VPS13B: variants seen among roughly 807,000 people sequenced by gnomAD.
VPS13B encodes intermembrane lipid transfer protein VPS13B.
In VPS13B, 285 loss-of-function variants were observed where a neutral mutation model predicts 426.4. That is an observed-to-expected ratio of 0.67 (90% CI 0.61 to 0.74). VPS13B has a LOEUF of 0.74. Among genes scored for constraint, VPS13B ranks in the 30% least tolerant of loss-of-function variants. The pLI is 0.00. For synonymous variants in VPS13B, 1,676 were observed against 1,676.4 expected, an observed-to-expected ratio of 1.00 and a Z score of 0.01; for missense variants, 4,537 against 4,782.6, an observed-to-expected ratio of 0.95 and a Z score of 1.51.
chr8:99,265,567 A>G lies in VPS13B; in HGVS notation c.2516-8631A>G, dbSNP rs565768758. On this transcript the variant is annotated intron_variant, in intron 17 of 61. Coordinates refer to ENST00000357162, the MANE Select transcript of VPS13B (RefSeq NM_152564.5). ...GAGTCCTCCTGGTTTAACCTCTCCAAAGTAAACCCTTTAGTCTTCTGCCAG... is the reference window on the plus strand; with the variant it reads ...GAGTCCTCCTGGTTTAACCTCTCCAGAGTAAACCCTTTAGTCTTCTGCCAG... Among the ~76,000 whole-genome samples, 3 of 152,198 alleles carry G rather than the reference A, an allele frequency of 2.0e-5. No individual in the cohort carries two copies. The South Asian group carries it at 6.2e-4, about 32-fold the overall frequency.
chr8:99,620,836 A>G (rs1388936403), intron 33 of VPS13B, among the ~76,000 whole-genome samples: 1 of 151,572 alleles, frequency 6.6e-6, no homozygotes, highest in Non-Finnish European at 1.5e-5. Context: ...CAAAATACAA[A>G]ATTAGCCATG....
chr8:99,038,304 A>G, intron 2 of VPS13B, 119 bp from the exon 3 acceptor site: 1 of 812,856 alleles, frequency 1.2e-6, no homozygotes, highest in South Asian at 2.2e-5. Flanking sequence ...TAAGCACTAA[A>G]CAATAAGTCT....
intron 3 of VPS13B, among the ~76,000 whole-genome samples, chr8:99,039,792 T>G (rs1279156880): frequency 6.6e-6 from 1 of 152,106 alleles, no homozygotes; most frequent in Admixed American, 6.5e-5. Context: ...TTTTTTCCAT[T>G]TATGAAATCT....
intron 33 of VPS13B, among the ~76,000 whole-genome samples, chr8:99,587,002 G>A (rs1027800825): frequency 8.5e-5 from 13 of 152,190 alleles, no homozygotes; most frequent in African/African-American, 3.1e-4. Context: ...GCCCCGGTGT[G>A]TGATGTTCCC....
intron 19 of VPS13B, among the ~76,000 whole-genome samples, chr8:99,314,750 T>G (rs1026536595): frequency 1.3e-5 from 2 of 152,252 alleles, no homozygotes; most frequent in Non-Finnish European, 2.9e-5. Flanking sequence ...TACAGCCAGC[T>G]TATCTCCCAT....
At position 99,742,152 on chromosome 8, in the gene VPS13B, G is replaced by A. The variant is rs545965577; in HGVS notation, c.7050+21105G>A. Among the ~76,000 whole-genome samples the A allele has an allele frequency of 1.1e-3, 173 of 152,190 alleles. 1 individual carries two copies. The highest frequency in any genetic ancestry group is 3.1e-3 in the African/African-American group (129 of 41,518). On this transcript the variant is annotated intron_variant, in intron 39 of 61. Transcript: ENST00000357162. ...AAATGATGAAGGGGACATCACCACC[G>A]ATCCCACAGAAATACAAACTACCAT...
At chr8:99,068,647 C>T (rs187630317) in intron 3 of VPS13B, among the ~76,000 whole-genome samples, 2 of 152,198 alleles carry the variant, frequency 1.3e-5, no homozygotes, top group African/African-American at 4.8e-5. Flanking sequence ...CTGGGGAGGC[C>T]TCAGAAAACT....
At chr8:99,212,814 T>C (rs542333585) in intron 17 of VPS13B, among the ~76,000 whole-genome samples, 1 of 152,304 alleles carries the variant, frequency 6.6e-6, no homozygotes, top group Non-Finnish European at 1.5e-5. Flanking sequence ...TGTAGCTCCA[T>C]TTTCAGAACT....
chr8:99,614,919 A>G (rs1828015786), intron 33 of VPS13B, among the ~76,000 whole-genome samples: 1 of 151,790 alleles, frequency 6.6e-6, no homozygotes, highest in Admixed American at 6.6e-5. Context: ...GGAGTTCGAG[A>G]CCAGCCTGAC....
intron 11 of VPS13B, among the ~76,000 whole-genome samples, chr8:99,136,128 A>G (rs1290387563): frequency 6.6e-6 from 1 of 152,086 alleles, no homozygotes; most frequent in Non-Finnish European, 1.5e-5. Context: ...ATATTAATAC[A>G]TTTATGAAAT....
At chr8:99,224,444 T>C (rs1045951640) in intron 17 of VPS13B, among the ~76,000 whole-genome samples, 8 of 152,264 alleles carry the variant, frequency 5.3e-5, no homozygotes, top group South Asian at 2.1e-4. Flanking sequence ...ACCAGATAAT[T>C]TTTAGGAATG....
intron 33 of VPS13B, among the ~76,000 whole-genome samples, chr8:99,590,005 C>T (rs934744613): frequency 1.3e-5 from 2 of 152,182 alleles, no homozygotes; most frequent in African/African-American, 2.4e-5. Flanking sequence ...ATTACTGCCT[C>T]AATTTCAGAG....
At chr8:99,691,700 T>C (rs977073088) in intron 35 of VPS13B, among the ~76,000 whole-genome samples, 2 of 148,236 alleles carry the variant, frequency 1.3e-5, no homozygotes, top group Admixed American at 1.4e-4. Flanking sequence ...CAATATTAAC[T>C]TTAAATGTAA....
rs1356860432 is a variant in VPS13B, at chr8:99,640,043, GAAGAAGAGAAAAGAA to G, written c.5221-1762_5221-1748del. 1.3e-3 allele frequency among the ~76,000 whole-genome samples: 106 copies of G among 82,184 alleles called. 1 individual carries two copies. The highest frequency in any genetic ancestry group is 5.0e-3 in the African/African-American group (103 of 20,630). The allele number at this position is 82,184 out of a possible 152,430, so 53.9% of individuals were successfully genotyped here. A position where few individuals can be genotyped will look rare whatever the true frequency, so the allele number is the denominator to read the frequency against. The stretch of plus-strand genomic sequence containing the variant: ...ATAATAATAAGAAGAAGAAGAAGAA[GAAGAAGAGAAAAGAA>G]AAGAAAAGAAAAGAAAAGAAAAGAA... On this transcript the variant is annotated intron_variant, in intron 33 of 61. Coordinates refer to ENST00000357162, the MANE Select transcript of VPS13B (RefSeq NM_152564.5).
intron 3 of VPS13B, among the ~76,000 whole-genome samples, chr8:99,051,275 A>G (rs1371764526): frequency 1.3e-5 from 2 of 152,200 alleles, no homozygotes; most frequent in African/African-American, 4.8e-5. Flanking sequence ...AGCACCATTT[A>G]TTAAATAGGG....
At chr8:99,480,619 A>C (rs887951211) in intron 24 of VPS13B, among the ~76,000 whole-genome samples, 1 of 152,266 alleles carries the variant, frequency 6.6e-6, no homozygotes, top group East Asian at 1.9e-4. Context: ...CTACTAGATT[A>C]CTTTTAAACA....
chr8:99,668,158 CT>C (rs1019396470), intron 35 of VPS13B, among the ~76,000 whole-genome samples: 112 of 150,904 alleles, frequency 7.4e-4, no homozygotes, highest in African/African-American at 2.6e-3. Flanking sequence ...TATTTTTTTT[CT>C]TGTTCTTTAA....
At chr8:99,817,512 A>C (rs770172621) in intron 44 of VPS13B, 28 bp from the exon 45 acceptor site, 1 of 1,613,152 alleles carries the variant, frequency 6.2e-7, no homozygotes, top group Non-Finnish European at 8.5e-7. Flanking sequence ...TGAATTGATG[A>C]AGCCTTATAT....
At chr8:99,351,919 A>G (rs1027323564) in intron 19 of VPS13B, among the ~76,000 whole-genome samples, 1 of 152,176 alleles carries the variant, frequency 6.6e-6, no homozygotes, top group Non-Finnish European at 1.5e-5. Context: ...AGAAGGGAAA[A>G]GAGACATATA....
Sources: gnomAD v4.1 joint callset for allele counts (sites outside exome capture counted in the v4.1 genomes callset) on GRCh38, gnomAD v4.1.1 for gene constraint, MANE v1.5 for transcripts, NCBI Gene and HGNC (gene_info 2026-07-23, HGNC 2026-07-21) for gene names.